TMPRSS15: variants seen among roughly 807,000 people sequenced by gnomAD.
TMPRSS15 encodes the protein enteropeptidase.
Under a neutral mutation model 125.3 loss-of-function variants are expected in TMPRSS15, and 128 were observed. That is an observed-to-expected ratio of 1.02 (90% confidence interval 0.89 to 1.18). The LOEUF is 1.18. TMPRSS15 is among the 50% of genes most tolerant of loss of function. TMPRSS15 has a pLI of 0.00. For missense variants in TMPRSS15, 1,283 were observed against 1,212.7 expected, an observed-to-expected ratio of 1.06 and a Z score of -0.86; for synonymous variants, 446 against 423.2, an observed-to-expected ratio of 1.05 and a Z score of -0.66.
chr21:18,338,740 A>AGAG (rs1555900297), intron 13 of TMPRSS15, among the ~76,000 whole-genome samples: 2 of 151,136 alleles, frequency 1.3e-5, no homozygotes, highest in Non-Finnish European at 3.0e-5. Flanking sequence ...AAGAGAGAGA[A>AGAG]AGAGAGAGAG....
chr21:18,438,782 CTTA>C (rs2076234991), intron 1 of TMPRSS15, among the ~76,000 whole-genome samples: 1 of 152,112 alleles, frequency 6.6e-6, no homozygotes, highest in Non-Finnish European at 1.5e-5. Flanking sequence ...CTTGTATGTA[CTTA>C]TTTATTGTGA....
intron 21 of TMPRSS15, among the ~76,000 whole-genome samples, chr21:18,291,811 T>C (rs1330571955): frequency 2.0e-5 from 3 of 152,202 alleles, no homozygotes; most frequent in Non-Finnish European, 4.4e-5. Context: ...TTGGTAAGGA[T>C]AATTTTGAAT....
chr21:18,370,065 G>T (rs1453498258), intron 6 of TMPRSS15, among the ~76,000 whole-genome samples: 3 of 151,374 alleles, frequency 2.0e-5, no homozygotes, highest in African/African-American at 4.8e-5. Context: ...CACTACTAAG[G>T]TTCAATTAAC....
At chr21:18,387,872 G>C in intron 3 of TMPRSS15, among the ~76,000 whole-genome samples, 1 of 152,190 alleles carries the variant, frequency 6.6e-6, no homozygotes, top group East Asian at 1.9e-4. Flanking sequence ...GTACTGTTAG[G>C]TGAGAACTCA....
chr21:18,329,672 GA>G (rs1029344940), intron 14 of TMPRSS15, among the ~76,000 whole-genome samples: 55 of 150,850 alleles, frequency 3.6e-4, no homozygotes, highest in Admixed American at 3.6e-3. Context: ...AAATTTAGAA[GA>G]AAATTAGGTA....
intron 1 of TMPRSS15, among the ~76,000 whole-genome samples, chr21:18,456,861 A>G (rs1978451684): frequency 6.6e-6 from 1 of 152,126 alleles, no homozygotes; most frequent in Non-Finnish European, 1.5e-5. Context: ...ATTTCAAATG[A>G]CAGGTAACTT....
At chr21:18,355,190 G>A (rs2075612662) in intron 8 of TMPRSS15, among the ~76,000 whole-genome samples, 1 of 151,818 alleles carries the variant, frequency 6.6e-6, no homozygotes, top group Admixed American at 6.6e-5. Context: ...AGTCACTTAA[G>A]GGATGTGAAC....
intron 1 of TMPRSS15, among the ~76,000 whole-genome samples, chr21:18,417,872 CATACACAT>C (rs766129284): frequency 4.5e-4 from 68 of 151,778 alleles, no homozygotes; most frequent in Non-Finnish European, 9.6e-4. Context: ...CACATACACA[CATACACAT>C]TCATGCACAA....
At chr21:18,480,449 A>T (rs1302021410) in intron 1 of TMPRSS15, among the ~76,000 whole-genome samples, 1 of 151,914 alleles carries the variant, frequency 6.6e-6, no homozygotes, top group Non-Finnish European at 1.5e-5. Flanking sequence ...ATGTCATGTT[A>T]ACTGTATATG....
chr21:18,295,948 C>T (rs2074902094), intron 19 of TMPRSS15, among the ~76,000 whole-genome samples: 1 of 152,030 alleles, frequency 6.6e-6, no homozygotes, highest in Admixed American at 6.6e-5. Flanking sequence ...GTCAGGAGAT[C>T]GAGACCATCC....
intron 1 of TMPRSS15, among the ~76,000 whole-genome samples, chr21:18,451,906 AT>A (rs1978345586): frequency 6.6e-6 from 1 of 150,942 alleles, no homozygotes; most frequent in African/African-American, 2.5e-5. Flanking sequence ...TGCATGCATA[AT>A]TTTATGCATG....
chr21:18,439,375 A>G (rs2076236068), intron 1 of TMPRSS15, among the ~76,000 whole-genome samples: 1 of 152,200 alleles, frequency 6.6e-6, no homozygotes, highest in Non-Finnish European at 1.5e-5. Context: ...GTTGATGATA[A>G]CAATGCAGAA....
At chr21:18,432,868 C>G (rs996058176) in intron 1 of TMPRSS15, among the ~76,000 whole-genome samples, 1 of 152,034 alleles carries the variant, frequency 6.6e-6, no homozygotes, top group African/African-American at 2.4e-5. Context: ...AAATTCTTCT[C>G]TAGTTTTTAT....
intron 21 of TMPRSS15, among the ~76,000 whole-genome samples, chr21:18,287,275 A>G (rs991696988): frequency 1.3e-5 from 2 of 152,164 alleles, no homozygotes; most frequent in African/African-American, 2.4e-5. Flanking sequence ...TAAGCAATCC[A>G]AGAGCAGGAA....
chr21:18,382,753 G>C (rs1030559999), intron 4 of TMPRSS15, among the ~76,000 whole-genome samples: 1 of 152,068 alleles, frequency 6.6e-6, no homozygotes, highest in Non-Finnish European at 1.5e-5. Flanking sequence ...TTATGGGTAA[G>C]GGATTGAATC....
At chr21:18,284,058 G>C (rs1054775300) in intron 21 of TMPRSS15, among the ~76,000 whole-genome samples, 12 of 152,118 alleles carry the variant, frequency 7.9e-5, no homozygotes, top group Non-Finnish European at 1.3e-4. Flanking sequence ...TTCCAAAATT[G>C]TTTATTGTGC....
At chr21:18,396,530 T>G (rs2076038296) in intron 3 of TMPRSS15, among the ~76,000 whole-genome samples, 1 of 152,154 alleles carries the variant, frequency 6.6e-6, no homozygotes, top group African/African-American at 2.4e-5. Flanking sequence ...ATCCCAGCAC[T>G]TTGGGAGGCC....
chr21:18,476,308 G>A (rs1978879437), intron 1 of TMPRSS15, among the ~76,000 whole-genome samples: 1 of 151,998 alleles, frequency 6.6e-6, no homozygotes, highest in South Asian at 2.1e-4. Context: ...TTTAGCATGT[G>A]TTATTTTATG....
chr21:18,325,474 G>A lies in TMPRSS15; in HGVS notation c.1921+958C>T, dbSNP rs185437815. ...CAAAAGCCCTGGTCAGTTGTGAGTG[G>A]AGGAACAAAGATAAACATAACCTAA... is the stretch of plus-strand genomic sequence containing the variant. On this transcript the variant is annotated intron_variant, in intron 16 of 24. Transcript: ENST00000284885. Among the ~76,000 whole-genome samples, 383 of 152,172 alleles carry A rather than the reference G, an allele frequency of 2.5e-3. 5 individuals carry two copies. The highest frequency in any genetic ancestry group is 0.025 in the South Asian group (119 of 4,808).
Sources: allele counts gnomAD v4.1 joint callset (sites outside exome capture counted in the v4.1 genomes callset), GRCh38; gene constraint gnomAD v4.1.1; transcripts MANE v1.5; gene names NCBI Gene and HGNC (gene_info 2026-07-23, HGNC 2026-07-21).